Variants in ARHGAP31 observed in about 807,000 individuals in gnomAD.
ARHGAP31 encodes rho GTPase-activating protein 31.
Under a neutral mutation model 113.9 loss-of-function variants are expected in ARHGAP31, and 34 were observed. That is an observed-to-expected ratio of 0.30 (90% CI 0.23 to 0.40). The LOEUF is 0.40. Ranked by LOEUF, ARHGAP31 falls within the 10% of genes least tolerant of loss-of-function variation. The pLI, the probability that ARHGAP31 is intolerant of heterozygous loss-of-function variation, is 1.00. For synonymous variants in ARHGAP31, 650 were observed against 684.8 expected (o/e 0.95, Z 0.79); for missense variants, 1,548 against 1,767.1 (o/e 0.88, Z 2.22).
At chr3:119,388,106 C>G (rs1157714930) in intron 6 of ARHGAP31, among the ~76,000 whole-genome samples, 1 of 151,998 alleles carries the variant, frequency 6.6e-6, no homozygotes, top group Non-Finnish European at 1.5e-5. Flanking sequence ...ACCAATGTGG[C>G]CTTCAAAGTG....
In ARHGAP31 at chr3:119,382,434, G is replaced by A. The variant is rs539181048; in HGVS notation, c.539+35G>A. 8.7e-5 allele frequency: 138 copies of A among 1,585,218 alleles called. No homozygotes were observed. In the South Asian group the frequency reaches 1.5e-3, roughly 17 times the overall value. On this transcript the variant is annotated intron_variant, in intron 5 of 11. Transcript: ENST00000264245. ...CTACCCTCCCCTTGTCACCAGCCCA[G>A]GGGGCTCAGAGCAGCCCCCGATTGA... is the stretch of plus-strand genomic sequence containing the variant.
chr3:119,297,357 C>T (rs1026514886), intron 1 of ARHGAP31, among the ~76,000 whole-genome samples: 3 of 152,210 alleles, frequency 2.0e-5, no homozygotes, highest in Non-Finnish European at 4.4e-5. Context: ...TGGGAACTGG[C>T]CCTCTGCCCA....
chr3:119,381,041 A>G, intron 4 of ARHGAP31, 55 bp downstream of exon 4: 2 of 1,500,848 alleles, frequency 1.3e-6, no homozygotes, highest in African/African-American at 1.4e-5. Flanking sequence ...GTAATACCAA[A>G]GAGACAGGCT....
chr3:119,365,288 A>C (rs770602731), intron 1 of ARHGAP31, 28 bp from the exon 2 acceptor site: 9 of 1,578,842 alleles, frequency 5.7e-6, no homozygotes, highest in Non-Finnish European at 7.0e-6. Flanking sequence ...TCTAATACTT[A>C]ATTGTTTTTT....
At chr3:119,358,393 G>C (rs1280511436) in intron 1 of ARHGAP31, among the ~76,000 whole-genome samples, 2 of 152,168 alleles carry the variant, frequency 1.3e-5, no homozygotes, top group Non-Finnish European at 2.9e-5. Flanking sequence ...ATCCATTGCT[G>C]GTGGGAATGT....
At chr3:119,318,305 G>A (rs564656605) in intron 1 of ARHGAP31, among the ~76,000 whole-genome samples, 2 of 152,216 alleles carry the variant, frequency 1.3e-5, no homozygotes, top group African/African-American at 4.8e-5. Context: ...GTTTTCAAAT[G>A]CTAGGTCTAA....
intron 7 of ARHGAP31, 53 bp downstream of exon 7, chr3:119,391,036 G>T (rs2107635643): frequency 3.8e-6 from 6 of 1,583,474 alleles, no homozygotes; most frequent in Non-Finnish European, 5.2e-6. Flanking sequence ...GAAGAGGAAA[G>T]AGGAGGAGAG....
chr3:119,393,322 C>T, intron 7 of ARHGAP31, 145 bp from the exon 8 acceptor site: 2 of 1,111,118 alleles, frequency 1.8e-6, no homozygotes, highest in Non-Finnish European at 2.7e-6. Context: ...GAGAATCAAG[C>T]TTACCTTGGA....
At chr3:119,399,457 C>G (rs2080581204) in intron 9 of ARHGAP31, among the ~76,000 whole-genome samples, 196 bp downstream of exon 9, 1 of 152,250 alleles carries the variant, frequency 6.6e-6, no homozygotes, top group African/African-American at 2.4e-5. Context: ...TACTCCAGGG[C>G]TAGGCCTAAA....
At chr3:119,340,965 G>A (rs1473784662) in intron 1 of ARHGAP31, among the ~76,000 whole-genome samples, 3 of 152,200 alleles carry the variant, frequency 2.0e-5, no homozygotes, top group Non-Finnish European at 4.4e-5. Context: ...CAGAGGAGCT[G>A]AGCAAATGCC....
chr3:119,332,604 T>TTCTCTC (rs34228523), intron 1 of ARHGAP31, among the ~76,000 whole-genome samples: 152 of 105,838 alleles, frequency 1.4e-3, no homozygotes, highest in South Asian at 6.9e-3. Context: ...CTCTCTCTCT[T>TTCTCTC]TCTCTCTCTC....
intron 7 of ARHGAP31, 53 bp from the exon 8 acceptor site, chr3:119,393,414 C>T: frequency 1.2e-6 from 2 of 1,609,132 alleles, no homozygotes; most frequent in Non-Finnish European, 1.7e-6. Flanking sequence ...ATTTAAAAGT[C>T]CCCTTGAAAT....
chr3:119,396,066 GAA>G (rs1411703254), intron 8 of ARHGAP31, among the ~76,000 whole-genome samples: 1 of 152,130 alleles, frequency 6.6e-6, no homozygotes, highest in Admixed American at 6.5e-5. Flanking sequence ...CACCAGTAAT[GAA>G]AAGTCAAAAA....
rs541749242 is a variant in ARHGAP31 at position 119,312,885 on chromosome 3, G to T, written c.100+17881G>T. 1.5e-3 allele frequency among the ~76,000 whole-genome samples: 228 copies of T among 152,230 alleles called. 1 individual carries two copies. Among genetic ancestry groups the T allele is most frequent in the African/African-American group, 5.3e-3 (219 of 41,548 alleles). The stretch of plus-strand genomic sequence containing the variant: ...ATTAATTTAAATGTGGCTAGTGGCA[G>T]TTACACTGGATAGCACAGAGACCTT... On this transcript the variant is annotated intron_variant, in intron 1 of 11. Coordinates refer to ENST00000264245, the MANE Select transcript of ARHGAP31 (RefSeq NM_020754.4).
rs190292852 is a variant in ARHGAP31 at position 119,310,503 on chromosome 3, A to G, written c.100+15499A>G. 2.6e-5 allele frequency among the ~76,000 whole-genome samples: 4 copies of G among 152,336 alleles called. No individual in the cohort carries two copies. In the East Asian group the frequency reaches 7.7e-4, roughly 29 times the overall value. On this transcript the variant is annotated intron_variant, in intron 1 of 11. Transcript: ENST00000264245. ...GCACAGCAGGAGGTGAGGGCAGGCAAGAGAGCATTACTGCCTGAGCTCTGC... is the reference window on the plus strand; with the variant it reads ...GCACAGCAGGAGGTGAGGGCAGGCAGGAGAGCATTACTGCCTGAGCTCTGC...
In ARHGAP31 at chr3:119,368,561, G is replaced by A. The variant is rs1358823065; in HGVS notation, c.348+45G>A. 8 of 1,608,244 alleles carry A rather than the reference G, an allele frequency of 5.0e-6. No individual in the cohort carries two copies. The African/African-American group carries it at 9.4e-5, about 19-fold the overall frequency. On this transcript the variant is annotated intron_variant, in intron 3 of 11. Coordinates refer to ENST00000264245, the MANE Select transcript of ARHGAP31 (RefSeq NM_020754.4). Reference sequence around the variant, plus strand: ...TTATGGTTACTGGGTGGGATGCATGGATGGGCCAAGAAGAGTTTCAGCACT... The same window carrying A: ...TTATGGTTACTGGGTGGGATGCATGAATGGGCCAAGAAGAGTTTCAGCACT...
intron 6 of ARHGAP31, among the ~76,000 whole-genome samples, chr3:119,388,609 AGT>A (rs2080475406): frequency 6.6e-6 from 1 of 152,150 alleles, no homozygotes; most frequent in Non-Finnish European, 1.5e-5. Context: ...GCATCTTAGC[AGT>A]GGGAAGGAGG....
At chr3:119,315,294 TTC>T (rs1296390713) in intron 1 of ARHGAP31, among the ~76,000 whole-genome samples, 1 of 152,256 alleles carries the variant, frequency 6.6e-6, no homozygotes, top group Non-Finnish European at 1.5e-5. Context: ...TATTCCAACT[TTC>T]TTTTACTTTG....
Position 119,321,281 on chromosome 3 carries a change from A to ATATATATATATAGTATATATATATAC in ARHGAP31, c.100+26289_100+26290insGTATATATATATACTATATATATATA, listed in dbSNP as rs1553759845. On this transcript the variant is annotated intron_variant, in intron 1 of 11. Coordinates refer to ENST00000264245, the MANE Select transcript of ARHGAP31 (RefSeq NM_020754.4). The stretch of plus-strand genomic sequence containing the variant: ...GCAATTTCACATATATATATATACT[A>ATATATATATATAGTATATATATATAC]TATATATATATATAGTATATATATA... 2.9e-4 allele frequency among the ~76,000 whole-genome samples: 16 copies of ATATATATATATAGTATATATATATAC among 55,612 alleles called. 1 individual carries two copies. Among genetic ancestry groups the ATATATATATATAGTATATATATATAC allele is most frequent in the South Asian group, 1.1e-3 (2 of 1,750 alleles). 36.5% of individuals were successfully genotyped at this position (55,612 alleles called of 152,430 possible). A position where few individuals can be genotyped will look rare whatever the true frequency, so the allele number is the denominator to read the frequency against.
Sources: gnomAD v4.1 joint callset for allele counts (sites outside exome capture counted in the v4.1 genomes callset) on GRCh38, gnomAD v4.1.1 for gene constraint, MANE v1.5 for transcripts, NCBI Gene and HGNC (gene_info 2026-07-23, HGNC 2026-07-21) for gene names.